PCDH15: variants seen among roughly 807,000 people sequenced by gnomAD.
The protein encoded by PCDH15 is protocadherin related 15.
In PCDH15, 129 loss-of-function variants were observed where a neutral mutation model predicts 178.5. The observed-to-expected ratio is 0.72, with a 90% confidence interval of 0.63 to 0.84. PCDH15 has a LOEUF of 0.84. Ranked by LOEUF, PCDH15 falls within the 40% of genes least tolerant of loss-of-function variation. The probability of loss-of-function intolerance (pLI) is 0.00; values close to 1 mark genes in which losing one functional copy is unlikely to be tolerated. For synonymous variants in PCDH15, 800 were observed against 732.0 expected, an observed-to-expected ratio of 1.09 and a Z score of -1.50; for missense variants, 2,230 against 2,099.9, an observed-to-expected ratio of 1.06 and a Z score of -1.21.
intron 2 of PCDH15, among the ~76,000 whole-genome samples, chr10:55,465,829 A>T (rs1839819954): frequency 6.6e-6 from 1 of 152,152 alleles, no homozygotes; most frequent in Non-Finnish European, 1.5e-5. Flanking sequence ...GTGAAAGTAA[A>T]ATTAATACGA....
Position 54,403,619 on chromosome 10 carries a change from G to A in PCDH15, c.158-24677C>T, listed in dbSNP as rs1164310236. On this transcript the variant is annotated intron_variant, in intron 3 of 37. Transcript: ENST00000644397. ...GCACTCAGGCAAGGGAAAGAAAAAG[G>A]GGCATCCAAATAGGAAGAGAGGAAG... 2.6e-5 allele frequency among the ~76,000 whole-genome samples: 4 copies of A among 151,736 alleles called. No individual in the cohort carries two copies. The Admixed American group carries it at 2.6e-4, about 10-fold the overall frequency.
chr10:55,324,774 TC>T (rs1843989024), intron 2 of PCDH15, among the ~76,000 whole-genome samples: 1 of 152,018 alleles, frequency 6.6e-6, no homozygotes, highest in Non-Finnish European at 1.5e-5. Flanking sequence ...AGAGAGAAAG[TC>T]AAACTATCCC....
intron 2 of PCDH15, among the ~76,000 whole-genome samples, chr10:55,589,525 C>A (rs4304666): frequency 0.32 from 48,774 of 150,776 alleles, 8,137 homozygotes; most frequent in East Asian, 0.48. Flanking sequence ...AGTGAACAGG[C>A]AACCTACACA....
chr10:54,846,452 T>C (rs1178772768), intron 3 of PCDH15, among the ~76,000 whole-genome samples: 2 of 152,132 alleles, frequency 1.3e-5, no homozygotes, highest in Non-Finnish European at 2.9e-5. Context: ...GTCTCTTTTA[T>C]ATTAGGGCCT....
chr10:54,819,034 C>A (rs534032636), intron 3 of PCDH15, among the ~76,000 whole-genome samples: 4 of 152,082 alleles, frequency 2.6e-5, no homozygotes, highest in African/African-American at 9.6e-5. Context: ...AAGAAATTCT[C>A]CTGTCTTAGC....
intron 2 of PCDH15, among the ~76,000 whole-genome samples, chr10:54,915,828 C>CTATT (rs1449771272): frequency 3.3e-5 from 5 of 151,706 alleles, no homozygotes; most frequent in Non-Finnish European, 7.4e-5. Context: ...TTGAGATTAC[C>CTATT]TATTTATTTA....
chr10:54,224,921 G>A lies in PCDH15; in HGVS notation c.986-10873C>T, dbSNP rs564300846. On this transcript the variant is annotated intron_variant, in intron 9 of 37. Transcript: ENST00000644397. ...TGCAAAACTTCTTTTTCAGCTACTT[G>A]TTATAAATAACGAACTTCATTTTCT... 1.6e-4 allele frequency among the ~76,000 whole-genome samples: 25 copies of A among 152,048 alleles called. 1 individual carries two copies. The South Asian group carries it at 5.2e-3, about 32-fold the overall frequency.
intron 32 of PCDH15, chr10:53,822,136 G>C: frequency 6.2e-7 from 1 of 1,614,034 alleles, no homozygotes; most frequent in Non-Finnish European, 8.5e-7. Context: ...GTTGATAGCT[G>C]TGTCATAGAG....
At chr10:53,915,652 C>T (rs542505755) in intron 25 of PCDH15, among the ~76,000 whole-genome samples, 4 of 152,062 alleles carry the variant, frequency 2.6e-5, no homozygotes, top group African/African-American at 4.8e-5. Context: ...CTCCACCTCC[C>T]GAGTTCAAGC....
In PCDH15 at chr10:55,097,976, G is replaced by T. The variant is rs1030943785; in HGVS notation, c.-80+68600C>A. ...CTTAGAAGCAGACAAGATAATGAAA[G>T]AAGAAAATGAAGTTTCCAAAAAAGA... On this transcript the variant is annotated intron_variant, in intron 2 of 5. Coordinates refer to the PCDH15 transcript ENST00000458638. 3.9e-5 allele frequency among the ~76,000 whole-genome samples: 6 copies of T among 152,094 alleles called. No homozygotes were observed. In the South Asian group the frequency reaches 1.2e-3, roughly 32 times the overall value.
In PCDH15 at chr10:53,805,093, A is replaced by G. The variant is rs1277569042; in HGVS notation, c.*1486T>C. The G allele has an allele frequency of 3.9e-5, 6 of 152,058 alleles. No individual in the cohort carries two copies. The highest frequency in any genetic ancestry group is 8.8e-5 in the Non-Finnish European group (6 of 67,950). The allele number at this position is 152,058 out of a possible 1,614,324, so 9.4% of individuals were successfully genotyped here. A position where few individuals can be genotyped will look rare whatever the true frequency, so the allele number is the denominator to read the frequency against. ...AAGTCGGCAAGTTTATGTCAGTACA[A>G]TTCATTCACTTTGGAAATGAGGAAA... On this transcript the variant is annotated 3_prime_UTR_variant, in exon 38 of 38. Transcript: ENST00000644397.
At chr10:53,988,729 C>T (rs1183541058) in intron 21 of PCDH15, among the ~76,000 whole-genome samples, 1 of 152,040 alleles carries the variant, frequency 6.6e-6, no homozygotes, top group South Asian at 2.1e-4. Context: ...GTGGGCCAGT[C>T]CCAGAGAAAG....
intron 5 of PCDH15, among the ~76,000 whole-genome samples, chr10:54,355,493 T>C (rs2244155): frequency 0.12 from 17,484 of 152,028 alleles, 1,792 homozygotes; most frequent in African/African-American, 0.28. Context: ...CTGTGCAATA[T>C]GTTATTTGAG....
At chr10:54,863,600 A>C (rs766317038) in intron 3 of PCDH15, among the ~76,000 whole-genome samples, 13 of 152,132 alleles carry the variant, frequency 8.5e-5, no homozygotes, top group Non-Finnish European at 1.6e-4. Context: ...TAAGCCATTA[A>C]TTTTTCTTAA....
At chr10:55,239,694 C>A (rs1036578120) in intron 1 of PCDH15, among the ~76,000 whole-genome samples, 1 of 152,088 alleles carries the variant, frequency 6.6e-6, no homozygotes, top group Admixed American at 6.5e-5. Context: ...AATGGGATCA[C>A]ATCAAGCTAA....
intron 1 of PCDH15, among the ~76,000 whole-genome samples, chr10:55,277,790 T>C (rs1318897036): frequency 6.6e-6 from 1 of 152,082 alleles, no homozygotes; most frequent in Admixed American, 6.6e-5. Context: ...AGGAAAGCTA[T>C]CATGGTCTCA....
At chr10:55,286,163 C>T (rs768862198) in intron 1 of PCDH15, among the ~76,000 whole-genome samples, 6 of 151,748 alleles carry the variant, frequency 4.0e-5, no homozygotes, top group Non-Finnish European at 8.8e-5. Context: ...AAAGAAAAAT[C>T]GGCCTTTTAA....
intron 3 of PCDH15, among the ~76,000 whole-genome samples, chr10:54,429,807 T>A (rs1004735575): frequency 1.3e-5 from 2 of 152,054 alleles, no homozygotes; most frequent in African/African-American, 4.8e-5. Context: ...AATATATGTG[T>A]ACCCAATACT....
intron 2 of PCDH15, among the ~76,000 whole-genome samples, chr10:55,374,938 C>A (rs1012293908): frequency 1.3e-5 from 2 of 151,944 alleles, no homozygotes; most frequent in South Asian, 4.2e-4. Flanking sequence ...TGACATTCTA[C>A]ATAAACATTT....
Sources: allele counts gnomAD v4.1 joint callset (sites outside exome capture counted in the v4.1 genomes callset), GRCh38; gene constraint gnomAD v4.1.1; transcripts MANE v1.5; gene names NCBI Gene and HGNC (gene_info 2026-07-23, HGNC 2026-07-21).